The following ERC2 variants were observed in gnomAD, a reference collection of about 807,000 sequenced individuals.
ERC2 encodes the protein ERC protein 2.
A neutral mutation model predicts 114.8 loss-of-function variants in ERC2; 42 were observed. That is an observed-to-expected ratio of 0.37 (90% CI 0.29 to 0.47). The LOEUF is 0.47. Ranked by LOEUF, ERC2 falls within the 20% of genes least tolerant of loss-of-function variation. The probability of loss-of-function intolerance (pLI) is 0.99; values close to 1 mark genes in which losing one functional copy is unlikely to be tolerated. For missense variants in ERC2, 939 were observed against 1,150.7 expected (o/e 0.82, Z 2.66); for synonymous variants, 454 against 425.5 (o/e 1.07, Z -0.82).
intron 2 of ERC2, among the ~76,000 whole-genome samples, chr3:56,357,035 A>C (rs757219130): frequency 6.6e-6 from 1 of 152,220 alleles, no homozygotes; most frequent in Non-Finnish European, 1.5e-5. Context: ...ACAAGCAGAT[A>C]GTAAATATTT....
intron 3 of ERC2, among the ~76,000 whole-genome samples, chr3:56,231,408 C>T (rs1479716592): frequency 6.6e-6 from 1 of 152,188 alleles, no homozygotes; most frequent in Non-Finnish European, 1.5e-5. Flanking sequence ...AATGCCCTTC[C>T]AATTCATCTT....
chr3:56,330,132 C>G (rs904455700), intron 2 of ERC2, among the ~76,000 whole-genome samples: 50 of 152,244 alleles, frequency 3.3e-4, no homozygotes, highest in Admixed American at 1.8e-3. Flanking sequence ...CTCCCAGGCT[C>G]AATTGATTGT....
At chr3:56,034,201 C>T (rs563489493) in intron 7 of ERC2, among the ~76,000 whole-genome samples, 10 of 152,168 alleles carry the variant, frequency 6.6e-5, no homozygotes, top group African/African-American at 2.4e-4. Context: ...ACAAAAGACA[C>T]TTTAAGTCAA....
chr3:55,536,844 C>T (rs905742659), intron 17 of ERC2, among the ~76,000 whole-genome samples: 25 of 152,122 alleles, frequency 1.6e-4, no homozygotes, highest in Non-Finnish European at 2.1e-4. Flanking sequence ...GCCTCAACCC[C>T]GTCCTACAGG....
chr3:56,130,937 GACCCCA>G (rs1314959965), intron 6 of ERC2, among the ~76,000 whole-genome samples: 2 of 152,044 alleles, frequency 1.3e-5, no homozygotes, highest in African/African-American at 4.8e-5. Context: ...ATTTGTATGT[GACCCCA>G]AAGTTTTCAC....
chr3:55,922,123 T>C (rs541380972), intron 13 of ERC2, among the ~76,000 whole-genome samples: 45 of 152,294 alleles, frequency 3.0e-4, no homozygotes, highest in African/African-American at 9.9e-4. Context: ...TGTCTCAGAA[T>C]ACTTCTGACC....
chr3:56,099,439 T>C (rs950020545), intron 6 of ERC2, among the ~76,000 whole-genome samples: 3 of 152,202 alleles, frequency 2.0e-5, no homozygotes, highest in African/African-American at 7.2e-5. Flanking sequence ...TGAAACACCG[T>C]CCCTGCATTT....
intron 3 of ERC2, among the ~76,000 whole-genome samples, chr3:56,232,670 T>C (rs2050703073): frequency 6.6e-6 from 1 of 152,218 alleles, no homozygotes; most frequent in South Asian, 2.1e-4. Context: ...AGGGCCATGA[T>C]GTTGCTCTGC....
intron 9 of ERC2, among the ~76,000 whole-genome samples, chr3:56,008,736 A>G (rs2072692138): frequency 6.6e-6 from 1 of 152,192 alleles, no homozygotes; most frequent in South Asian, 2.1e-4. Flanking sequence ...AAAGGAGATT[A>G]TTCTCAGTAT....
chr3:56,411,107 T>C (rs1281971883), intron 2 of ERC2, among the ~76,000 whole-genome samples: 1 of 144,602 alleles, frequency 6.9e-6, no homozygotes, highest in Non-Finnish European at 1.5e-5. Context: ...GTTACAAAAC[T>C]CAAACTACAA....
At chr3:55,762,285 C>G (rs897056962) in intron 14 of ERC2, among the ~76,000 whole-genome samples, 11 of 152,118 alleles carry the variant, frequency 7.2e-5, no homozygotes, top group Non-Finnish European at 1.5e-4. Flanking sequence ...TTGAAGGGAG[C>G]ATTTTCTTTC....
chr3:55,909,562 C>A (rs1427204602), intron 13 of ERC2, among the ~76,000 whole-genome samples: 3 of 151,750 alleles, frequency 2.0e-5, no homozygotes, highest in African/African-American at 4.8e-5. Context: ...CCAAGAAGCT[C>A]TCCAGAGCAG....
intron 14 of ERC2, among the ~76,000 whole-genome samples, chr3:55,813,217 G>A (rs915195154): frequency 1.3e-5 from 2 of 152,108 alleles, no homozygotes; most frequent in African/African-American, 2.4e-5. Context: ...ATACTAGTTC[G>A]GTTACCTATG....
At chr3:55,903,595 T>C (rs1272788733) in intron 13 of ERC2, among the ~76,000 whole-genome samples, 4 of 152,242 alleles carry the variant, frequency 2.6e-5, no homozygotes, top group African/African-American at 9.6e-5. Flanking sequence ...AACAGCCTCA[T>C]TATTTAAAAT....
At chr3:56,029,831 T>C (rs574225150) in intron 7 of ERC2, among the ~76,000 whole-genome samples, 2 of 152,152 alleles carry the variant, frequency 1.3e-5, no homozygotes, top group Non-Finnish European at 2.9e-5. Flanking sequence ...TAAATTTTGC[T>C]CCATTTTTAT....
chr3:56,410,538 T>C (rs760781923), intron 2 of ERC2, among the ~76,000 whole-genome samples: 1 of 152,190 alleles, frequency 6.6e-6, no homozygotes, highest in African/African-American at 2.4e-5. Context: ...AGTTTACAGA[T>C]GTGGAAACAG....
chr3:55,754,786 A>G (rs1184723856), intron 14 of ERC2, among the ~76,000 whole-genome samples: 1 of 152,022 alleles, frequency 6.6e-6, no homozygotes, highest in Non-Finnish European at 1.5e-5. Context: ...TCTATCCTAA[A>G]CAGCGCAACA....
In ERC2 at chr3:55,817,733, T is replaced by C. The variant is rs140251408; in HGVS notation, c.2564+70656A>G. On this transcript the variant is annotated intron_variant, in intron 14 of 17. Transcript: ENST00000288221. ...ATCTGAGTCTCAGTTTCTTCATCTG[T>C]CAGGTAGACCATTTTATAGTATCCG... Among the ~76,000 whole-genome samples, 459 of 152,290 alleles carry C rather than the reference T, an allele frequency of 3.0e-3. 4 individuals carry two copies. Among genetic ancestry groups the C allele is most frequent in the African/African-American group, 0.011 (437 of 41,564 alleles).
chr3:56,097,308 T>TA (rs2078113727), intron 6 of ERC2, among the ~76,000 whole-genome samples: 1 of 151,952 alleles, frequency 6.6e-6, no homozygotes, highest in African/African-American at 2.4e-5. Flanking sequence ...GCCATGATGT[T>TA]AAAAAAATTA....
Sources: allele counts gnomAD v4.1 joint callset (sites outside exome capture counted in the v4.1 genomes callset), GRCh38; gene constraint gnomAD v4.1.1; transcripts MANE v1.5; gene names NCBI Gene and HGNC (gene_info 2026-07-23, HGNC 2026-07-21).